CSMD2: variants seen among roughly 807,000 people sequenced by gnomAD.
The protein encoded by CSMD2 is CUB and sushi domain-containing protein 2.
Under a neutral mutation model 398.5 loss-of-function variants are expected in CSMD2, and 130 were observed. The ratio of observed to expected loss-of-function variants is 0.33; its 90% CI spans 0.28 to 0.38. The LOEUF is 0.38. Ranked by LOEUF, CSMD2 falls within the 10% of genes least tolerant of loss-of-function variation. The pLI, the probability that CSMD2 is intolerant of heterozygous loss-of-function variation, is 1.00. For missense variants in CSMD2, 3,829 were observed against 4,764.9 expected (o/e 0.80, Z 5.78); for synonymous variants, 1,828 against 1,908.5 (o/e 0.96, Z 1.10).
In CSMD2 at chr1:34,076,946, T is replaced by A. The variant is rs1269107035; in HGVS notation, c.404+12031A>T. Among the ~76,000 whole-genome samples the A allele has an allele frequency of 2.8e-3, 307 of 111,150 alleles. 8 individuals are homozygous for A. The highest frequency in any genetic ancestry group is 0.011 in the African/African-American group (286 of 26,516). The allele number at this position is 111,150 out of a possible 152,430, so 72.9% of individuals were successfully genotyped here. A position where few individuals can be genotyped will look rare whatever the true frequency, so the allele number is the denominator to read the frequency against. ...AAAAAAAAATATATATATATATATA[T>A]ATATATATATAGAAGGCTTGACTCC... On this transcript the variant is annotated intron_variant, in intron 2 of 70. Coordinates refer to ENST00000373381, the MANE Select transcript of CSMD2 (RefSeq NM_001281956.2).
chr1:33,937,055 A>G (rs570874905), intron 3 of CSMD2, among the ~76,000 whole-genome samples: 4 of 152,310 alleles, frequency 2.6e-5, no homozygotes, highest in African/African-American at 9.6e-5. Context: ...TTTGCACTTT[A>G]GTTTCCTCAT....
intron 5 of CSMD2, among the ~76,000 whole-genome samples, chr1:33,888,816 G>A (rs1641779963): frequency 6.6e-6 from 1 of 150,924 alleles, no homozygotes; most frequent in South Asian, 2.1e-4. Context: ...CGCCCAGGCT[G>A]GAGTGCAGTG....
intron 1 of CSMD2, among the ~76,000 whole-genome samples, chr1:34,151,951 C>G (rs560142938): frequency 6.6e-6 from 1 of 152,198 alleles, no homozygotes; most frequent in African/African-American, 2.4e-5. Context: ...CAAGCCATCC[C>G]CCGGCCTCAG....
intron 15 of CSMD2, among the ~76,000 whole-genome samples, chr1:33,734,008 A>G (rs1646803310): frequency 6.6e-6 from 1 of 152,198 alleles, no homozygotes; most frequent in Non-Finnish European, 1.5e-5. Flanking sequence ...CTCATGGATA[A>G]AGCACAATTA....
chr1:33,824,546 G>A (rs1658559978), intron 7 of CSMD2, among the ~76,000 whole-genome samples: 1 of 152,178 alleles, frequency 6.6e-6, no homozygotes, highest in South Asian at 2.1e-4. Flanking sequence ...CTCTTCTCCT[G>A]ATGTTCTCCC....
chr1:34,123,885 C>T (rs1243493479), intron 1 of CSMD2, among the ~76,000 whole-genome samples: 1 of 152,078 alleles, frequency 6.6e-6, no homozygotes, highest in African/African-American at 2.4e-5. Flanking sequence ...CAAGGTCATA[C>T]AACTAGGAAG....
intron 2 of CSMD2, among the ~76,000 whole-genome samples, chr1:34,051,862 A>G (rs965925534): frequency 1.3e-5 from 2 of 152,176 alleles, no homozygotes; most frequent in Non-Finnish European, 2.9e-5. Flanking sequence ...TTGGTTAAAC[A>G]TTATTCTGGG....
chr1:33,998,582 G>A (rs1160513429), intron 3 of CSMD2, among the ~76,000 whole-genome samples: 2 of 152,150 alleles, frequency 1.3e-5, no homozygotes, highest in Non-Finnish European at 2.9e-5. Flanking sequence ...CTGCAGATCT[G>A]TAGACTCCTA....
intron 2 of CSMD2, among the ~76,000 whole-genome samples, chr1:34,040,285 G>A (rs867317589): frequency 1.6e-4 from 24 of 152,228 alleles, no homozygotes; most frequent in African/African-American, 3.9e-4. Context: ...GCATACTTCC[G>A]GGAGAGCTCT....
At chr1:33,662,342 T>C (rs903974730) in intron 26 of CSMD2, among the ~76,000 whole-genome samples, 1 of 152,108 alleles carries the variant, frequency 6.6e-6, no homozygotes, top group African/African-American at 2.4e-5. Flanking sequence ...ACCTCCCACA[T>C]CCCTCCTTGC....
intron 1 of CSMD2, among the ~76,000 whole-genome samples, chr1:34,158,552 G>A (rs977484115): frequency 1.3e-5 from 2 of 152,214 alleles, no homozygotes; most frequent in South Asian, 2.1e-4. Flanking sequence ...TCAGCCAGAG[G>A]AGCAAAGAGA....
chr1:33,600,831 G>A (rs2148803571), intron 44 of CSMD2, 34 bp downstream of exon 44: 1 of 1,611,422 alleles, frequency 6.2e-7, no homozygotes, highest in South Asian at 1.1e-5. Flanking sequence ...TTGAAAGCCT[G>A]GCCCTTCCCA....
At chr1:34,096,430 G>A (rs1034128358) in intron 1 of CSMD2, among the ~76,000 whole-genome samples, 229 of 151,764 alleles carry the variant, frequency 1.5e-3, no homozygotes, top group African/African-American at 5.4e-3. Context: ...GCAGGAGAAG[G>A]AAATAAAGGG....
chr1:33,609,714 A>G (rs949830714), intron 41 of CSMD2, among the ~76,000 whole-genome samples: 1 of 152,216 alleles, frequency 6.6e-6, no homozygotes, highest in Non-Finnish European at 1.5e-5. Flanking sequence ...GTACGATCCA[A>G]TTTTGGCTAA....
At chr1:34,016,626 C>A (rs1648151276) in intron 3 of CSMD2, among the ~76,000 whole-genome samples, 1 of 152,186 alleles carries the variant, frequency 6.6e-6, no homozygotes, top group Non-Finnish European at 1.5e-5. Flanking sequence ...ATAAATCATT[C>A]TGCTATAAAG....
chr1:34,084,775 G>C (rs1205995765), intron 2 of CSMD2, among the ~76,000 whole-genome samples: 3 of 151,900 alleles, frequency 2.0e-5, no homozygotes, highest in African/African-American at 7.2e-5. Context: ...CTTTTACACT[G>C]TTGGTGGGAC....
At chr1:33,932,459 T>A (rs551092883) in intron 4 of CSMD2, among the ~76,000 whole-genome samples, 12 of 152,194 alleles carry the variant, frequency 7.9e-5, no homozygotes, top group African/African-American at 2.9e-4. Context: ...GAAAAAAGAA[T>A]TGGAAGACTT....
At chr1:33,654,150 A>G (rs1319334261) in intron 27 of CSMD2, among the ~76,000 whole-genome samples, 1 of 152,180 alleles carries the variant, frequency 6.6e-6, no homozygotes, top group East Asian at 1.9e-4. Context: ...CCATGGGAAA[A>G]TATATCCCAA....
intron 13 of CSMD2, among the ~76,000 whole-genome samples, chr1:33,757,149 G>A (rs1649147370): frequency 6.6e-6 from 1 of 151,296 alleles, no homozygotes; most frequent in African/African-American, 2.4e-5. Flanking sequence ...ACAATCTGGG[G>A]ACTGTTGTGG....
Sources: gnomAD v4.1 joint callset for allele counts (sites outside exome capture counted in the v4.1 genomes callset) on GRCh38, gnomAD v4.1.1 for gene constraint, MANE v1.5 for transcripts, NCBI Gene and HGNC (gene_info 2026-07-23, HGNC 2026-07-21) for gene names.